The following ANKRD36C variants were observed in gnomAD, a reference collection of about 807,000 sequenced individuals.
ANKRD36C encodes the protein ankyrin repeat domain-containing protein 36C.
ANKRD36C carries 61 observed loss-of-function variants against 276.4 expected under a neutral mutation model. The ratio of observed to expected loss-of-function variants is 0.22; its 90% CI spans 0.18 to 0.27. ANKRD36C has a LOEUF of 0.27. ANKRD36C is among the 10% of genes least tolerant of loss of function. ANKRD36C has a pLI of 1.00. For synonymous variants in ANKRD36C, 483 were observed against 680.1 expected, an observed-to-expected ratio of 0.71 and a Z score of 4.51; for missense variants, 1,447 against 2,032.3, an observed-to-expected ratio of 0.71 and a Z score of 5.54.
intron 38 of ANKRD36C, 37 bp from the exon 41 acceptor site, chr2:95,914,340 A>G (rs748227295): frequency 7.3e-5 from 112 of 1,543,006 alleles, no homozygotes; most frequent in Non-Finnish European, 9.3e-5. Flanking sequence ...ACTCATATGT[A>G]AAAATGACAA....
chr2:95,883,748 G>A (rs1017727355), intron 54 of ANKRD36C, among the ~76,000 whole-genome samples: 1 of 151,948 alleles, frequency 6.6e-6, no homozygotes, highest in African/African-American at 2.4e-5. Flanking sequence ...CTACATCAGC[G>A]GTCTCGTTAG....
chr2:95,986,561 G>C, intron 3 of ANKRD36C, 190 bp downstream of exon 3: 1 of 715,054 alleles, frequency 1.4e-6, no homozygotes. Context: ...ATGAAAAATA[G>C]CTGTTCCTTA....
chr2:95,974,090 TA>T (rs1412549628), intron 6 of ANKRD36C, among the ~76,000 whole-genome samples: 5 of 151,438 alleles, frequency 3.3e-5, no homozygotes, highest in African/African-American at 1.2e-4. Flanking sequence ...TATAGATGGT[TA>T]AAGGTGTGGT....
At chr2:95,932,064 A>T (rs1235346493) in intron 24 of ANKRD36C, among the ~76,000 whole-genome samples, 1 of 152,284 alleles carries the variant, frequency 6.6e-6, no homozygotes, top group East Asian at 1.9e-4. Flanking sequence ...GGCCATTTCC[A>T]CTCCTTACTG....
At chr2:95,913,872 G>A (rs1281646561) in intron 40 of ANKRD36C, among the ~76,000 whole-genome samples, 1 of 151,396 alleles carries the variant, frequency 6.6e-6, no homozygotes, top group Non-Finnish European at 1.5e-5. Context: ...GCCTTGAACT[G>A]CTCTCCATAT....
intron 44 of ANKRD36C, 27 bp downstream of exon 60, chr2:95,897,243 T>C (rs1676578777): frequency 7.0e-7 from 1 of 1,431,750 alleles, no homozygotes; most frequent in Non-Finnish European, 9.5e-7. Flanking sequence ...GGACTGAACA[T>C]GACATTAAAT....
intron 59 of ANKRD36C, among the ~76,000 whole-genome samples, chr2:95,870,350 G>A (rs571157294): frequency 7.2e-5 from 11 of 152,238 alleles, no homozygotes; most frequent in East Asian, 1.9e-4. Context: ...CAGCATTCGC[G>A]GTTCACGAAA....
intron 59 of ANKRD36C, among the ~76,000 whole-genome samples, chr2:95,873,318 C>T (rs968817603): frequency 6.6e-6 from 1 of 152,156 alleles, no homozygotes; most frequent in African/African-American, 2.4e-5. Context: ...GCTTATCCAC[C>T]ATGATCAAGT....
chr2:95,857,468 C>T (rs1332891911), exon 62 of ANKRD36C: 7 of 1,565,928 alleles, frequency 4.5e-6, no homozygotes, highest in Admixed American at 3.6e-5. Flanking sequence ...TTCTTCTTTT[C>T]TTTTTTTCTT....
chr2:95,991,757 C>T (rs1265171186), exon 1 of ANKRD36C: 4 of 1,576,212 alleles, frequency 2.5e-6, no homozygotes, highest in African/African-American at 1.3e-5. Context: ...AGCTCGCCTT[C>T]GGGGATCGCC....
exon 4 of ANKRD36C, chr2:95,982,358 T>C: frequency 1.9e-6 from 3 of 1,539,882 alleles, no homozygotes; most frequent in South Asian, 2.5e-5. Context: ...TGGCGGATAT[T>C]CATCCTGTAA....
intron 58 of ANKRD36C, among the ~76,000 whole-genome samples, chr2:95,880,122 G>A (rs1337797909): frequency 2.0e-5 from 3 of 147,068 alleles, no homozygotes; most frequent in East Asian, 2.0e-4. Flanking sequence ...GGAGGTTGTC[G>A]TGAGTTACAA....
At chr2:95,910,344 C>T (rs1676876162) in intron 42 of ANKRD36C, 29 bp downstream of exon 46, 5 of 1,524,070 alleles carry the variant, frequency 3.3e-6, no homozygotes, top group Non-Finnish European at 4.4e-6. Context: ...CTGGACAGAA[C>T]ACGACATTAA....
chr2:95,922,498 T>A (rs1241745188), intron 32 of ANKRD36C, among the ~76,000 whole-genome samples: 1 of 151,592 alleles, frequency 6.6e-6, no homozygotes, highest in East Asian at 1.9e-4. Context: ...TAAACCTCAA[T>A]AAAAAGCATC....
intron 17 of ANKRD36C, 149 bp downstream of exon 17, chr2:95,948,381 C>G: frequency 1.9e-6 from 1 of 529,774 alleles, no homozygotes; most frequent in Non-Finnish European, 2.7e-6. Context: ...AATTAACCCC[C>G]CCTATTTCTT....
At chr2:95,943,838 A>G (rs1415763559) in intron 19 of ANKRD36C, among the ~76,000 whole-genome samples, 1 of 152,058 alleles carries the variant, frequency 6.6e-6, no homozygotes, top group African/African-American at 2.4e-5. Context: ...CTTTCCATTT[A>G]GAATTTTTAA....
intron 22 of ANKRD36C, among the ~76,000 whole-genome samples, chr2:95,937,086 G>A (rs113722107): frequency 1.3e-5 from 2 of 151,556 alleles, no homozygotes; most frequent in African/African-American, 4.9e-5. Context: ...CAGTAAATAA[G>A]AATTTCTTTG....
intron 48 of ANKRD36C, among the ~76,000 whole-genome samples, chr2:95,889,169 C>T (rs1404559981): frequency 6.6e-6 from 1 of 151,476 alleles, no homozygotes; most frequent in Non-Finnish European, 1.5e-5. Flanking sequence ...TGGTTTATCC[C>T]AATTCTAGCA....
intron 44 of ANKRD36C, 102 bp from the exon 59 acceptor site, chr2:95,897,567 T>G: frequency 2.8e-6 from 4 of 1,450,242 alleles, no homozygotes; most frequent in Non-Finnish European, 3.8e-6. Flanking sequence ...CCTGCCTGTA[T>G]TAGCGTAGGC....
Sources: gnomAD v4.1 joint callset for allele counts (sites outside exome capture counted in the v4.1 genomes callset) on GRCh38, gnomAD v4.1.1 for gene constraint, MANE v1.5 for transcripts, NCBI Gene and HGNC (gene_info 2026-07-23, HGNC 2026-07-21) for gene names.